The following EMSY variants were observed in gnomAD, a reference collection of about 807,000 sequenced individuals.
EMSY encodes the protein EMSY transcriptional repressor, BRCA2 interacting, also known as BRCA2-interacting transcriptional repressor EMSY.
A neutral mutation model predicts 134.6 loss-of-function variants in EMSY; 26 were observed. The ratio of observed to expected loss-of-function variants is 0.19; its 90% CI spans 0.14 to 0.27. The LOEUF is 0.27. Among genes scored for constraint, EMSY ranks in the 10% least tolerant of loss-of-function variants. The pLI, the probability that EMSY is intolerant of heterozygous loss-of-function variation, is 1.00. For missense variants in EMSY, 1,305 were observed against 1,611.4 expected (o/e 0.81, Z 3.26); for synonymous variants, 579 against 577.8 (o/e 1.00, Z -0.03).
chr11:76,522,552 T>G (rs766284900), intron 11 of EMSY, among the ~76,000 whole-genome samples: 1 of 151,930 alleles, frequency 6.6e-6, no homozygotes, highest in Non-Finnish European at 1.5e-5. Flanking sequence ...GTATTTTTAG[T>G]AGAGATAGAC....
intron 14 of EMSY, among the ~76,000 whole-genome samples, chr11:76,535,533 G>T (rs1030826289): frequency 6.6e-6 from 1 of 152,122 alleles, no homozygotes; most frequent in African/African-American, 2.4e-5. Context: ...ATTTATAATA[G>T]CAATTATCAC....
intron 9 of EMSY, among the ~76,000 whole-genome samples, chr11:76,499,421 G>A (rs1235048783): frequency 1.3e-5 from 2 of 150,862 alleles, no homozygotes; most frequent in African/African-American, 4.9e-5. Flanking sequence ...CCAAGTAGAT[G>A]GGACTACAGG....
chr11:76,537,820 A>G lies in EMSY; in HGVS notation c.2385A>G (p.Pro795=), dbSNP rs369988669. 1.3e-5 allele frequency: 21 copies of G among 1,604,860 alleles called. No individual in the cohort carries two copies. In the African/African-American group the frequency reaches 2.6e-4, roughly 20 times the overall value. Residue 795 remains proline (P), a synonymous_variant, in exon 16 of 21, where the codon CCA becomes CCG. Coordinates refer to ENST00000334736, the Ensembl canonical transcript of EMSY. Reference sequence around the variant, plus strand: ...TAAAGGAAAAATTGGAATCTAAACCAAGACAACCCACTATTGACCTGAGTC... The same window carrying G: ...TAAAGGAAAAATTGGAATCTAAACCGAGACAACCCACTATTGACCTGAGTC...
intron 10 of EMSY, 105 bp from the exon 12 acceptor site, chr11:76,516,037 A>G: frequency 1.0e-6 from 1 of 1,003,250 alleles, no homozygotes; most frequent in Non-Finnish European, 1.4e-6. Flanking sequence ...TTCCATTTTC[A>G]AGTTATAGCA....
chr11:76,542,161 G>A, intron 17 of EMSY, 55 bp from the exon 19 acceptor site: 1 of 1,595,284 alleles, frequency 6.3e-7, no homozygotes, highest in Non-Finnish European at 8.6e-7. Context: ...ATGACTACTG[G>A]TTACAGATGC....
At chr11:76,521,159 G>T (rs1950624274) in intron 11 of EMSY, among the ~76,000 whole-genome samples, 2 of 152,200 alleles carry the variant, frequency 1.3e-5, no homozygotes, top group African/African-American at 4.8e-5. Context: ...AAGCCATAAT[G>T]AAGAAGTTAC....
intron 16 of EMSY, among the ~76,000 whole-genome samples, chr11:76,538,183 A>G (rs372652921): frequency 6.6e-5 from 10 of 152,362 alleles, no homozygotes; most frequent in African/African-American, 2.4e-4. Context: ...CATAAATAAC[A>G]ACTGTGAATA....
At chr11:76,468,013 G>C (rs148009815) in intron 7 of EMSY, among the ~76,000 whole-genome samples, 220 of 151,250 alleles carry the variant, frequency 1.5e-3, no homozygotes, top group African/African-American at 5.1e-3. Flanking sequence ...ACTTAACGTA[G>C]TACATACAGT....
At chr11:76,548,765 G>A (rs1386061450) in intron 20 of EMSY, among the ~76,000 whole-genome samples, 1 of 152,232 alleles carries the variant, frequency 6.6e-6, no homozygotes, top group Admixed American at 6.5e-5. Context: ...TAGGCATCTT[G>A]CATTATTTTC....
intron 8 of EMSY, among the ~76,000 whole-genome samples, chr11:76,494,296 G>A (rs1360482803): frequency 6.6e-6 from 1 of 152,198 alleles, no homozygotes; most frequent in Non-Finnish European, 1.5e-5. Flanking sequence ...GTTTCTGGCT[G>A]GTGAAGTGAC....
At chr11:76,532,969 C>T (rs945463777) in intron 14 of EMSY, among the ~76,000 whole-genome samples, 4 of 152,002 alleles carry the variant, frequency 2.6e-5, no homozygotes, top group African/African-American at 9.6e-5. Flanking sequence ...GTGGAAGATA[C>T]AATATAAAAT....
At chr11:76,523,160 A>G in exon 12 of EMSY, 1 of 1,606,990 alleles carries the variant, frequency 6.2e-7, no homozygotes, top group Non-Finnish European at 8.5e-7. Flanking sequence ...CTAAGGAACG[A>G]CTACCAAAAT....
exon 8 of EMSY, chr11:76,472,659 G>A (rs770407618): frequency 1.2e-5 from 19 of 1,613,936 alleles, no homozygotes; most frequent in African/African-American, 5.3e-5. Flanking sequence ...TTGTACCAAC[G>A]TCAGTCATTG....
At chr11:76,521,783 AG>A (rs1950646842) in intron 11 of EMSY, among the ~76,000 whole-genome samples, 1 of 150,566 alleles carries the variant, frequency 6.6e-6, no homozygotes. Flanking sequence ...AAAAAAAAAA[AG>A]TCCAGGCACA....
chr11:76,514,634 A>G (rs959386329), intron 10 of EMSY, among the ~76,000 whole-genome samples: 1 of 152,204 alleles, frequency 6.6e-6, no homozygotes, highest in African/African-American at 2.4e-5. Context: ...TCAAATATAT[A>G]GTTCATTGGC....
intron 8 of EMSY, among the ~76,000 whole-genome samples, chr11:76,477,271 T>G (rs895776564): frequency 3.6e-4 from 34 of 95,430 alleles, no homozygotes; most frequent in African/African-American, 8.9e-4. Context: ...TTTATTTCTG[T>G]TTTTTTTTTT....
chr11:76,466,848 C>G (rs1165486416), intron 7 of EMSY, among the ~76,000 whole-genome samples: 1 of 152,076 alleles, frequency 6.6e-6, no homozygotes, highest in Admixed American at 6.5e-5. Flanking sequence ...AATCTGTTCA[C>G]TCATTTATGA....
At chr11:76,513,802 T>C (rs1950357980) in intron 10 of EMSY, among the ~76,000 whole-genome samples, 1 of 152,160 alleles carries the variant, frequency 6.6e-6, no homozygotes, top group Admixed American at 6.6e-5. Context: ...TTGATATTGT[T>C]CCTTTTATTG....
At chr11:76,548,382 C>T (rs1360331702) in intron 20 of EMSY, among the ~76,000 whole-genome samples, 2 of 152,164 alleles carry the variant, frequency 1.3e-5, no homozygotes, top group South Asian at 2.1e-4. Context: ...TTGGTTGATT[C>T]GTTCATTCAT....
Sources: allele counts gnomAD v4.1 joint callset (sites outside exome capture counted in the v4.1 genomes callset), GRCh38; gene constraint gnomAD v4.1.1; transcripts MANE v1.5; gene names NCBI Gene and HGNC (gene_info 2026-07-23, HGNC 2026-07-21).